Variants in PALM2AKAP2 observed in about 807,000 individuals in gnomAD.
PALM2AKAP2 encodes PALM2 and AKAP2 fusion, also known as PALM2-AKAP2 fusion protein.
In PALM2AKAP2, 37 loss-of-function variants were observed where a neutral mutation model predicts 71.5. The observed-to-expected ratio is 0.52, with a 90% CI of 0.40 to 0.68. The LOEUF (loss-of-function observed/expected upper bound fraction) is 0.68. Among genes scored for constraint, PALM2AKAP2 ranks in the 30% least tolerant of loss-of-function variants. The pLI is 0.00. For synonymous variants in PALM2AKAP2, 468 were observed against 478.8 expected (o/e 0.98, Z 0.29); for missense variants, 1,224 against 1,191.8 (o/e 1.03, Z -0.40).
chr9:110,022,510 T>C (rs183426317), intron 7 of PALM2AKAP2, among the ~76,000 whole-genome samples: 1 of 152,268 alleles, frequency 6.6e-6, no homozygotes, highest in Admixed American at 6.5e-5. Flanking sequence ...TATTCACATC[T>C]TTGGCTCAAA....
Position 109,746,229 on chromosome 9 carries a change from G to A in PALM2AKAP2, c.6-34259G>A, listed in dbSNP as rs77893955. 9.8e-5 allele frequency among the ~76,000 whole-genome samples: 15 copies of A among 152,346 alleles called. No homozygotes were observed. In the East Asian group the frequency reaches 2.3e-3, roughly 23 times the overall value. The stretch of plus-strand genomic sequence containing the variant: ...TCCACTGTGCTCTTGGTCCCAGGAT[G>A]TCCTATCTGACTTGAACTTTTGCTG... On this transcript the variant is annotated intron_variant, in intron 1 of 6. Transcript: ENST00000374531.
At chr9:110,061,582 AC>A (rs1240815708) in intron 1 of PALM2AKAP2, among the ~76,000 whole-genome samples, 2 of 149,804 alleles carry the variant, frequency 1.3e-5, no homozygotes, top group Middle Eastern at 6.5e-3. Flanking sequence ...CCCCGTAACA[AC>A]CTTTGATAGA....
chr9:110,116,728 T>C (rs1274159053), intron 1 of PALM2AKAP2, among the ~76,000 whole-genome samples: 1 of 152,246 alleles, frequency 6.6e-6, no homozygotes, highest in Non-Finnish European at 1.5e-5. Flanking sequence ...TGTCTATGTA[T>C]AGCAGTGAGC....
chr9:110,129,768 A>G (rs1835693863), intron 1 of PALM2AKAP2, among the ~76,000 whole-genome samples: 1 of 152,118 alleles, frequency 6.6e-6, no homozygotes, highest in Admixed American at 6.5e-5. Context: ...GTTTTAACCA[A>G]TGTGTGACCC....
rs193082097 is a variant in PALM2AKAP2, at chr9:109,661,085, T to G, written c.5+20219T>G. 4.1e-3 allele frequency among the ~76,000 whole-genome samples: 630 copies of G among 152,348 alleles called. 2 individuals are homozygous for G. The highest frequency in any genetic ancestry group is 7.3e-3 in the Non-Finnish European group (495 of 68,032). On this transcript the variant is annotated intron_variant, in intron 1 of 6. Coordinates refer to the PALM2AKAP2 transcript ENST00000374531. ...TTAGCCCTTTGTCAGATGGGTAGAT[T>G]GCAAAAATTTTCTCCCATTCTGTAG...
At chr9:109,829,217 C>T (rs1485346445) in intron 1 of PALM2AKAP2, among the ~76,000 whole-genome samples, 1 of 152,204 alleles carries the variant, frequency 6.6e-6, no homozygotes, top group Non-Finnish European at 1.5e-5. Flanking sequence ...CCTCACTTCT[C>T]TATGGGTCAG....
chr9:109,665,403 A>C (rs1053051055), intron 1 of PALM2AKAP2, among the ~76,000 whole-genome samples: 1 of 152,178 alleles, frequency 6.6e-6, no homozygotes, highest in Non-Finnish European at 1.5e-5. Flanking sequence ...TGTTGATGCT[A>C]TTCCTTTCTG....
chr9:109,735,097 C>T (rs1272994594), intron 1 of PALM2AKAP2, among the ~76,000 whole-genome samples: 1 of 151,450 alleles, frequency 6.6e-6, no homozygotes, highest in Non-Finnish European at 1.5e-5. Flanking sequence ...AAATGATATC[C>T]TTAACTTTGT....
At chr9:109,906,028 T>G (rs577908200) in intron 3 of PALM2AKAP2, among the ~76,000 whole-genome samples, 2 of 58,554 alleles carry the variant, frequency 3.4e-5, no homozygotes, top group East Asian at 4.9e-4. Context: ...ACGTTGCATT[T>G]CCTTCTTTTC....
Position 109,882,512 on chromosome 9 carries a change from A to C in PALM2AKAP2, c.257+1831A>C, listed in dbSNP as rs138061364. Among the ~76,000 whole-genome samples the C allele has an allele frequency of 1.1e-4, 17 of 152,338 alleles. No individual in the cohort carries two copies. In the East Asian group the frequency reaches 3.1e-3, roughly 28 times the overall value. The stretch of plus-strand genomic sequence containing the variant: ...CTTAGAATACAAAGGATAAAGGCTA[A>C]ACTGTTACCAACCATTTATATCATA... On this transcript the variant is annotated intron_variant, in intron 3 of 9. Transcript: ENST00000302798.
intron 1 of PALM2AKAP2, among the ~76,000 whole-genome samples, chr9:109,727,276 A>G (rs568768799): frequency 1.3e-5 from 2 of 152,238 alleles, no homozygotes; most frequent in Non-Finnish European, 2.9e-5. Context: ...ACTTTACAGG[A>G]TTGCTGTGAG....
rs1391758414 is a variant in PALM2AKAP2 at position 109,907,818 on chromosome 9, G to A, written c.258-15917G>A. 2.0e-5 allele frequency among the ~76,000 whole-genome samples: 3 copies of A among 152,198 alleles called. No homozygotes were observed. The East Asian group carries it at 5.8e-4, about 29-fold the overall frequency. On this transcript the variant is annotated intron_variant, in intron 3 of 9. Transcript: ENST00000302798. Reference sequence around the variant, plus strand: ...TAGCAAAAAACAAAACAAAACCCAAGACAAAGTTCTCTTGAGGAAGAGCAG... The same window carrying A: ...TAGCAAAAAACAAAACAAAACCCAAAACAAAGTTCTCTTGAGGAAGAGCAG...
At chr9:109,726,696 A>C (rs966812944) in intron 1 of PALM2AKAP2, among the ~76,000 whole-genome samples, 2 of 152,220 alleles carry the variant, frequency 1.3e-5, no homozygotes, top group African/African-American at 4.8e-5. Flanking sequence ...ACTCTCCCAA[A>C]GAAAAACAAG....
At chr9:109,818,234 CT>C (rs1005922659) in intron 1 of PALM2AKAP2, among the ~76,000 whole-genome samples, 8 of 151,560 alleles carry the variant, frequency 5.3e-5, no homozygotes, top group East Asian at 1.9e-4. Context: ...TACACAATCT[CT>C]TTTTTTTTGA....
upstream of PALM2AKAP2, among the ~76,000 whole-genome samples, chr9:110,047,103 G>C (rs1156744761): frequency 1.3e-5 from 2 of 152,186 alleles, no homozygotes; most frequent in East Asian, 3.8e-4. Context: ...GAAGGAAAAG[G>C]AAGGAAGGAA....
chr9:110,063,053 G>A (rs928616382), intron 1 of PALM2AKAP2, among the ~76,000 whole-genome samples: 33 of 152,110 alleles, frequency 2.2e-4, no homozygotes, highest in African/African-American at 7.7e-4. Context: ...ACCCCATTTT[G>A]TCTGTGCTAT....
At chr9:110,041,218 G>C (rs891890358) in intron 7 of PALM2AKAP2, among the ~76,000 whole-genome samples, 1 of 151,750 alleles carries the variant, frequency 6.6e-6, no homozygotes, top group Non-Finnish European at 1.5e-5. Flanking sequence ...CTCCTACATA[G>C]ATACCCACTT....
intron 1 of PALM2AKAP2, among the ~76,000 whole-genome samples, chr9:109,758,024 G>A (rs1304451490): frequency 6.6e-6 from 1 of 151,936 alleles, no homozygotes; most frequent in Non-Finnish European, 1.5e-5. Context: ...CCTAATACCA[G>A]TTGGTGGCAT....
chr9:110,027,617 G>T (rs1445768496), intron 7 of PALM2AKAP2, among the ~76,000 whole-genome samples: 2 of 152,164 alleles, frequency 1.3e-5, no homozygotes, highest in Non-Finnish European at 2.9e-5. Flanking sequence ...TTTGAAAAGG[G>T]TACATTTCTA....
Sources: gnomAD v4.1 joint callset for allele counts (sites outside exome capture counted in the v4.1 genomes callset) on GRCh38, gnomAD v4.1.1 for gene constraint, MANE v1.5 for transcripts, NCBI Gene and HGNC (gene_info 2026-07-23, HGNC 2026-07-21) for gene names.